PRSS50: variants seen among roughly 807,000 people sequenced by gnomAD.
The protein encoded by PRSS50 is serine protease 50, also known as probable threonine protease PRSS50.
Under a neutral mutation model 34.2 loss-of-function variants are expected in PRSS50, and 23 were observed. The observed-to-expected ratio is 0.67, with a 90% CI of 0.48 to 0.95. PRSS50 has a LOEUF of 0.95. PRSS50 is among the 40% of genes least tolerant of loss of function. The pLI is 0.00. For synonymous variants in PRSS50, 224 were observed against 211.2 expected (o/e 1.06, Z -0.53); for missense variants, 484 against 513.4 (o/e 0.94, Z 0.55).
chr3:46,714,600 C>T (rs1434457357), intron 3 of PRSS50, 99 bp from the exon 4 acceptor site: 4 of 1,360,956 alleles, frequency 2.9e-6, no homozygotes, highest in African/African-American at 2.9e-5. Flanking sequence ...CCAGAAGATC[C>T]AGGAGGGGCC....
chr3:46,714,168 C>A, intron 4 of PRSS50, 50 bp downstream of exon 4: 1 of 1,583,906 alleles, frequency 6.3e-7, no homozygotes, highest in Non-Finnish European at 8.6e-7. Context: ...GGCCTGCACC[C>A]ACGTCCTTTC....
intron 4 of PRSS50, 70 bp from the exon 5 acceptor site, chr3:46,713,137 C>T (rs1318461287): frequency 6.4e-7 from 1 of 1,561,636 alleles, no homozygotes; most frequent in African/African-American, 1.4e-5. Context: ...CACTCGTCCT[C>T]TCTCCACTGT....
At chr3:46,714,090 G>C in intron 4 of PRSS50, 128 bp downstream of exon 4, 1 of 1,228,744 alleles carries the variant, frequency 8.1e-7, no homozygotes, top group Non-Finnish European at 1.1e-6. Context: ...AGCCTGGCAG[G>C]AAGGTCCCGG....
rs752846963 is a variant in PRSS50 at position 46,717,788 on chromosome 3, G to A, written c.37C>T (p.Arg13Cys). The A allele has an allele frequency of 1.0e-5, 16 of 1,554,142 alleles. No individual in the cohort carries two copies. Among genetic ancestry groups the A allele is most frequent in the Middle Eastern group, 2.2e-4 (1 of 4,524 alleles). ...RWCQTVARGQRPRTSAPSRAG... is the reference protein window; with the variant it reads ...RWCQTVARGQCPRTSAPSRAG... ...CGGGAGGGGGCAGACGTCCGGGGGC[G>A]CTGCCCGCGCGCGACGGTCTGGCAC... Residue 13 changes from arginine to cysteine, a missense_variant, in exon 1 of 6, where the codon CGC becomes TGC. Coordinates refer to ENST00000315170, the MANE Select transcript of PRSS50 (RefSeq NM_013270.5). The surrounding 1 kb of genome is among the most constrained non-coding windows in gnomAD (Gnocchi z 4.5).
rs201987581 is a variant in PRSS50, at chr3:46,717,649, G to C, written c.107-12C>G. On this transcript the variant is annotated splice_polypyrimidine_tract_variant and intron_variant, in intron 1 of 5. Coordinates refer to ENST00000315170, the MANE Select transcript of PRSS50 (RefSeq NM_013270.5). This position sits in a 1 kb window ranked among gnomAD's most constrained non-coding sequence, Gnocchi z 4.5. ...TGCGCCCCAGCAACCTGCGGAGGACGTCGAGCGGATTAGAGGTGGAAGGCG... is the reference window on the plus strand; with the variant it reads ...TGCGCCCCAGCAACCTGCGGAGGACCTCGAGCGGATTAGAGGTGGAAGGCG... The C allele has an allele frequency of 6.2e-7, 1 of 1,611,152 alleles. No individual in the cohort carries two copies. Among genetic ancestry groups the C allele is most frequent in the Non-Finnish European group, 8.5e-7 (1 of 1,178,810 alleles).
At position 46,717,513 on chromosome 3, in the gene PRSS50, C is replaced by A. The variant is rs1301641990; in HGVS notation, c.231G>T (p.Pro77=). The A allele has an allele frequency of 1.9e-6, 3 of 1,613,744 alleles. No homozygotes were observed. The highest frequency in any genetic ancestry group is 2.5e-6 in the Non-Finnish European group (3 of 1,179,992). ...SSRPRLLWQT[P]TTQTLPSTTM... ...TGGTCGAGGGCAGTGTCTGGGTGGTCGGGGTCTGCCAGAGAAGGCGAGGCC... is the reference window on the plus strand; with the variant it reads ...TGGTCGAGGGCAGTGTCTGGGTGGTAGGGGTCTGCCAGAGAAGGCGAGGCC... Residue 77 remains proline, a synonymous_variant, in exon 2 of 6, where the codon CCG becomes CCT. Coordinates refer to ENST00000315170, the MANE Select transcript of PRSS50 (RefSeq NM_013270.5). The surrounding 1 kb of genome is among the most constrained non-coding windows in gnomAD (Gnocchi z 4.5).
rs751369890 is a variant in PRSS50, at chr3:46,714,573, C to T, written c.471-72G>A. ...CCCCAGCCTCCAGCCTGGGCCTTCC[C>T]CCACTCTGCTGCCCTCCCAGAAGAT... On this transcript the variant is annotated intron_variant, in intron 3 of 5. Transcript: ENST00000315170. 742 of 1,460,300 alleles carry T rather than the reference C, an allele frequency of 5.1e-4. 3 individuals are homozygous for T. The Middle Eastern group carries it at 8.7e-3, about 17-fold the overall frequency. The allele number at this position is 1,460,300 out of a possible 1,614,324, so 90.5% of individuals were successfully genotyped here. A position where few individuals can be genotyped will look rare whatever the true frequency, so the allele number is the denominator to read the frequency against.
At position 46,717,575 on chromosome 3, in the gene PRSS50, C is replaced by T. The variant is rs1458092582; in HGVS notation, c.169G>A (p.Val57Ile). The change falls in exon 2 of 6, where the codon GTC (valine) becomes ATC (isoleucine). Residue 57 changes from valine to isoleucine, a missense_variant. By Grantham distance (29) the Val-to-Ile change is conservative. Coordinates refer to ENST00000315170, the MANE Select transcript of PRSS50 (RefSeq NM_013270.5). This position sits in a 1 kb window ranked among gnomAD's most constrained non-coding sequence, Gnocchi z 4.5. ...CAGGTGGCCTTGGGGACACACTGGA[C>T]GCTCTGGTCGGCGGGATCAGCAGTG... is the stretch of plus-strand genomic sequence containing the variant. Reference protein sequence around the residue: ...LSTADPADQSVQCVPKATCPS... With the variant: ...LSTADPADQSIQCVPKATCPS... 6 of 1,613,670 alleles carry T rather than the reference C, an allele frequency of 3.7e-6. No individual in the cohort carries two copies. The highest frequency in any genetic ancestry group is 1.1e-5 in the South Asian group (1 of 91,084).
Position 46,717,450 on chromosome 3 carries a change from G to T in PRSS50, c.294C>A (p.Val98=). The stretch of plus-strand genomic sequence containing the variant: ...CCTGGTACTCACAGCGGTATGGGTC[G>T]ACTTTGCCTTCAGAAACTGGGAATT... The part of the protein sequence containing the change: ...ETQFPVSEGK[V]DPYRSCGFSY... The change falls in exon 2 of 6, where the codon GTC becomes GTA. Residue 98 remains valine (V), a synonymous_variant. Transcript: ENST00000315170. This position sits in a 1 kb window ranked among gnomAD's most constrained non-coding sequence, Gnocchi z 4.5. 1.2e-6 allele frequency: 2 copies of T among 1,613,902 alleles called. No individual in the cohort carries two copies. Among genetic ancestry groups the T allele is most frequent in the Non-Finnish European group, 8.5e-7 (1 of 1,179,998 alleles).
chr3:46,713,063 C>A lies in PRSS50; in HGVS notation c.759G>T (p.Met253Ile). 6.2e-7 allele frequency: 1 copy of A among 1,613,958 alleles called. No individual in the cohort carries two copies. The highest frequency in any genetic ancestry group is 8.5e-7 in the Non-Finnish European group (1 of 1,179,880). Residue 253 changes from methionine to isoleucine, a missense_variant, in exon 5 of 6, where the codon ATG becomes ATT. Coordinates refer to ENST00000315170, the MANE Select transcript of PRSS50 (RefSeq NM_013270.5). The stretch of plus-strand genomic sequence containing the variant: ...CCTGAATGGTCCGGAACTGAGGCCA[C>A]ATGCCTGTGGGACAGGGCCCCATTT... The part of the protein sequence containing the change: ...TGWGLSKADG[M>I]WPQFRTIQEK...
In PRSS50 at chr3:46,717,645, G is replaced by A. The variant is rs1575473252; in HGVS notation, c.107-8C>T. 1.2e-6 allele frequency: 2 copies of A among 1,611,830 alleles called. No individual in the cohort carries two copies. The highest frequency in any genetic ancestry group is 1.7e-4 in the Middle Eastern group (1 of 5,884). ...CCCCTGCGCCCCAGCAACCTGCGGA[G>A]GACGTCGAGCGGATTAGAGGTGGAA... On this transcript the variant is annotated splice_region_variant and splice_polypyrimidine_tract_variant and intron_variant, in intron 1 of 5. Coordinates refer to ENST00000315170, the MANE Select transcript of PRSS50 (RefSeq NM_013270.5). The surrounding 1 kb of genome is among the most constrained non-coding windows in gnomAD (Gnocchi z 4.5).
rs1201256684 is a variant in PRSS50 at position 46,717,724 on chromosome 3, G to A, written c.101C>T (p.Ser34Phe). The A allele has an allele frequency of 1.3e-6, 2 of 1,597,608 alleles. No homozygotes were observed. Among genetic ancestry groups the A allele is most frequent in the Non-Finnish European group, 1.7e-6 (2 of 1,172,650 alleles). ...ALLLLLLLLRSAGCWGAGEAP... is the reference protein window; with the variant it reads ...ALLLLLLLLRFAGCWGAGEAP... Reference sequence around the variant, plus strand: ...AGGGATCGGGAGGGACTCACCTGCAGACCTCAGCAACAGAAGCAGCAGCAG... The same window carrying A: ...AGGGATCGGGAGGGACTCACCTGCAAACCTCAGCAACAGAAGCAGCAGCAG... The change falls in exon 1 of 6, where the codon TCT (serine) becomes TTT (phenylalanine). Residue 34 changes from serine (S) to phenylalanine (F), a missense_variant. Ser to Phe is a radical substitution (Grantham distance 155). Coordinates refer to ENST00000315170, the MANE Select transcript of PRSS50 (RefSeq NM_013270.5). This position sits in a 1 kb window ranked among gnomAD's most constrained non-coding sequence, Gnocchi z 4.5.
intron 4 of PRSS50, 47 bp downstream of exon 4, chr3:46,714,171 G>C (rs193207556): frequency 2.5e-6 from 4 of 1,587,040 alleles, no homozygotes; most frequent in Non-Finnish European, 3.4e-6. Context: ...CTGCACCCAC[G>C]TCCTTTCTCA....
At chr3:46,713,983 A>G (rs538793027) in intron 4 of PRSS50, among the ~76,000 whole-genome samples, 1 of 152,204 alleles carries the variant, frequency 6.6e-6, no homozygotes. Flanking sequence ...CCCTGGCCTG[A>G]CTCAGGATTC....
intron 5 of PRSS50, 84 bp from the exon 6 acceptor site, chr3:46,712,566 T>G: frequency 7.9e-7 from 1 of 1,265,652 alleles, no homozygotes; most frequent in South Asian, 1.3e-5. Flanking sequence ...CGGGATGTCC[T>G]CACACCACAC....
rs2106796165 is a variant in PRSS50, at chr3:46,716,591, GA to G, written c.307+845del. Among the ~76,000 whole-genome samples the G allele has an allele frequency of 6.6e-6, 1 of 152,294 alleles. No homozygotes were observed. The highest frequency in any genetic ancestry group is 1.9e-4 in the East Asian group (1 of 5,178). On this transcript the variant is annotated intron_variant, in intron 2 of 5. Coordinates refer to ENST00000315170, the MANE Select transcript of PRSS50 (RefSeq NM_013270.5). The surrounding 1 kb of genome is among the most constrained non-coding windows in gnomAD (Gnocchi z 4.4). The stretch of plus-strand genomic sequence containing the variant: ...AAAATGCAGATTTCAATCATGATGA[GA>G]TTCTGCTCTGTACCATCCGCCTGGC...
At position 46,717,768 on chromosome 3, in the gene PRSS50, G is replaced by A. The variant is rs1294690527; in HGVS notation, c.57C>T (p.Pro19=). ...ARGQRPRTSA[P]SRAGALLLLL... ...GCAGCAGCAGGGCACCGGCGCGGGA[G>A]GGGGCAGACGTCCGGGGGCGCTGCC... Residue 19 remains proline (P), a synonymous_variant, in exon 1 of 6, where the codon CCC becomes CCT. Transcript: ENST00000315170. The surrounding 1 kb of genome is among the most constrained non-coding windows in gnomAD (Gnocchi z 4.5). 6.3e-7 allele frequency: 1 copy of A among 1,580,644 alleles called. No individual in the cohort carries two copies. The highest frequency in any genetic ancestry group is 1.1e-5 in the South Asian group (1 of 87,038).
At position 46,715,181 on chromosome 3, in the gene PRSS50, G is replaced by A. The variant is rs938970234; in HGVS notation, c.470+354C>T. 7.9e-5 allele frequency among the ~76,000 whole-genome samples: 12 copies of A among 152,224 alleles called. No individual in the cohort carries two copies. Among genetic ancestry groups the A allele is most frequent in the Non-Finnish European group, 1.3e-4 (9 of 68,032 alleles). ...CCTTGCTCAAAGAAGTGTCAGAGACGGTTGATTGAAGGGAGGAACAAGGAT... is the reference window on the plus strand; with the variant it reads ...CCTTGCTCAAAGAAGTGTCAGAGACAGTTGATTGAAGGGAGGAACAAGGAT... On this transcript the variant is annotated intron_variant, in intron 3 of 5. Coordinates refer to ENST00000315170, the MANE Select transcript of PRSS50 (RefSeq NM_013270.5). The surrounding 1 kb of genome is among the most constrained non-coding windows in gnomAD (Gnocchi z 5.2).
Position 46,712,182 on chromosome 3 carries a change from T to G in PRSS50, c.*64A>C. The G allele has an allele frequency of 1.5e-6, 2 of 1,376,636 alleles. No homozygotes were observed. The highest frequency in any genetic ancestry group is 2.0e-6 in the Non-Finnish European group (2 of 992,068). 85.3% of individuals were successfully genotyped at this position (1,376,636 alleles called of 1,614,324 possible). A position where few individuals can be genotyped will look rare whatever the true frequency, so the allele number is the denominator to read the frequency against. ...CCCTGACTCTCAGGGCTGTGACAGC[T>G]GCACCCACAGCAACCTGGGCACGGA... On this transcript the variant is annotated 3_prime_UTR_variant, in exon 6 of 6. Transcript: ENST00000315170.
Sources: gnomAD v4.1 joint callset for allele counts (sites outside exome capture counted in the v4.1 genomes callset) on GRCh38, gnomAD v4.1.1 for gene constraint, Gnocchi (gnomAD v3.1) non-coding constraint, MANE v1.5 for transcripts, NCBI Gene and HGNC (gene_info 2026-07-23, HGNC 2026-07-21) for gene names.